Variants in PRKCE observed in about 807,000 individuals in gnomAD.
The protein encoded by PRKCE is protein kinase C epsilon, also known as protein kinase C epsilon type.
PRKCE carries 16 observed loss-of-function variants against 85.4 expected under a neutral mutation model. The ratio of observed to expected loss-of-function variants is 0.19; its 90% CI spans 0.13 to 0.28. The LOEUF is 0.28. Ranked by LOEUF, PRKCE falls within the 10% of genes least tolerant of loss-of-function variation. The pLI is 1.00. For synonymous variants in PRKCE, 388 were observed against 371.5 expected (o/e 1.04, Z -0.51); for missense variants, 573 against 975.2 (o/e 0.59, Z 5.49).
At chr2:45,976,609 C>G in intron 3 of PRKCE, 21 bp downstream of exon 3, 1 of 1,596,676 alleles carries the variant, frequency 6.3e-7, no homozygotes, top group Non-Finnish European at 8.5e-7. Context: ...CTCTTGGGAA[C>G]CTCTAATTAC....
At chr2:45,946,483 C>G (rs556609011) in intron 2 of PRKCE, among the ~76,000 whole-genome samples, 172 of 152,266 alleles carry the variant, frequency 1.1e-3, no homozygotes, top group Non-Finnish European at 1.9e-3. Context: ...ATGCAAAGGC[C>G]TAGAAAACAG....
In PRKCE at chr2:45,781,116, T is replaced by G. The variant is rs899311646; in HGVS notation, c.349-61884T>G. 3.3e-5 allele frequency among the ~76,000 whole-genome samples: 5 copies of G among 152,164 alleles called. No individual in the cohort carries two copies. The East Asian group carries it at 9.7e-4, about 29-fold the overall frequency. ...GGGAGGCTGAGGCGGGAGGATCACT[T>G]GAGCCCAGGAGTTCAAGACCAGCCT... On this transcript the variant is annotated intron_variant, in intron 1 of 14. Transcript: ENST00000306156.
At chr2:45,793,574 G>A (rs913689644) in intron 1 of PRKCE, among the ~76,000 whole-genome samples, 2 of 152,160 alleles carry the variant, frequency 1.3e-5, no homozygotes, top group Non-Finnish European at 2.9e-5. Context: ...CCAGACGGTG[G>A]CCTCAGCTTA....
intron 2 of PRKCE, chr2:45,845,796 G>A (rs897774695): frequency 6.6e-6 from 1 of 152,200 alleles, no homozygotes; most frequent in Non-Finnish European, 1.5e-5. Flanking sequence ...TCTGGCCAGT[G>A]TGTGTTTTGG....
Position 45,801,139 on chromosome 2 carries a change from G to A in PRKCE, c.349-41861G>A, listed in dbSNP as rs115252866. 8.6e-3 allele frequency among the ~76,000 whole-genome samples: 1,304 copies of A among 152,268 alleles called. 27 individuals are homozygous for A. The highest frequency in any genetic ancestry group is 0.03 in the African/African-American group (1,252 of 41,554). ...TTGAGTGGGCCAAGTTTTCAGCAGG[G>A]TGGTGAGAGATGTGTTGAGAAGAGT... On this transcript the variant is annotated intron_variant, in intron 1 of 14. Transcript: ENST00000306156.
intron 1 of PRKCE, among the ~76,000 whole-genome samples, chr2:45,719,483 G>A (rs1680429698): frequency 6.6e-6 from 1 of 152,132 alleles, no homozygotes; most frequent in Non-Finnish European, 1.5e-5. Flanking sequence ...GACTGTTTGG[G>A]GCTCCTTCCC....
At chr2:46,061,859 CTTTT>C (rs10695600) in intron 10 of PRKCE, among the ~76,000 whole-genome samples, 12 of 107,738 alleles carry the variant, frequency 1.1e-4, no homozygotes, top group African/African-American at 1.6e-4. Flanking sequence ...TTTTCTTTTT[CTTTT>C]TTTTTTTTTT....
chr2:45,695,096 C>T (rs1678035269), intron 1 of PRKCE, among the ~76,000 whole-genome samples: 1 of 152,172 alleles, frequency 6.6e-6, no homozygotes, highest in African/African-American at 2.4e-5. Context: ...AGTCAGGAAA[C>T]TTTCTCCCAG....
At chr2:45,879,680 C>G (rs746202915) in intron 2 of PRKCE, among the ~76,000 whole-genome samples, 4 of 152,234 alleles carry the variant, frequency 2.6e-5, no homozygotes, top group African/African-American at 9.6e-5. Context: ...CCTGCTCCCC[C>G]TCCCACGAGG....
At chr2:45,773,005 TC>T in intron 1 of PRKCE, among the ~76,000 whole-genome samples, 1 of 152,264 alleles carries the variant, frequency 6.6e-6, no homozygotes, top group South Asian at 2.1e-4. Flanking sequence ...AAGTGCACCG[TC>T]CTGCCCTGGA....
chr2:46,013,606 AG>A (rs1457214057), intron 10 of PRKCE, among the ~76,000 whole-genome samples: 2 of 152,204 alleles, frequency 1.3e-5, no homozygotes, highest in African/African-American at 4.8e-5. Context: ...AGTTCCTCTG[AG>A]CCACCTTAAA....
chr2:45,661,538 T>TG (rs1302789046), intron 1 of PRKCE, among the ~76,000 whole-genome samples: 1 of 141,248 alleles, frequency 7.1e-6, no homozygotes, highest in Non-Finnish European at 1.5e-5. Context: ...TTGTTTTTTT[T>TG]TTTTTTTTTA....
At chr2:45,655,867 A>G (rs1675355406) in intron 1 of PRKCE, among the ~76,000 whole-genome samples, 1 of 151,086 alleles carries the variant, frequency 6.6e-6, no homozygotes. Flanking sequence ...AAAAAAAAAA[A>G]AAAAGGTAGG....
At position 45,757,333 on chromosome 2, in the gene PRKCE, G is replaced by T. The variant is rs75184978; in HGVS notation, c.349-85667G>T. Reference sequence around the variant, plus strand: ...AAAAAAAAAAAAAAAAAAAAAAAAAGAGTGTTCAATTGATTGTGGGTAAAC... The same window carrying T: ...AAAAAAAAAAAAAAAAAAAAAAAAATAGTGTTCAATTGATTGTGGGTAAAC... On this transcript the variant is annotated intron_variant, in intron 1 of 14. Coordinates refer to ENST00000306156, the MANE Select transcript of PRKCE (RefSeq NM_005400.3). Among the ~76,000 whole-genome samples the T allele has an allele frequency of 9.2e-3, 1,077 of 116,444 alleles. 27 individuals are homozygous for T. The highest frequency in any genetic ancestry group is 0.032 in the African/African-American group (1,012 of 31,734). 76.4% of individuals were successfully genotyped at this position (116,444 alleles called of 152,430 possible).
intron 1 of PRKCE, among the ~76,000 whole-genome samples, chr2:45,664,893 T>C (rs78793862): frequency 0.013 from 1,973 of 152,350 alleles, 41 homozygotes; most frequent in African/African-American, 0.044. Context: ...GACTTCATTT[T>C]CCTACCATGT....
chr2:45,884,948 G>A (rs1334375677), intron 2 of PRKCE, among the ~76,000 whole-genome samples: 2 of 110,170 alleles, frequency 1.8e-5, no homozygotes, highest in Admixed American at 2.1e-4. Flanking sequence ...TCTGTTATAT[G>A]TGATCCATAT....
chr2:45,993,548 A>T (rs1574150865), intron 6 of PRKCE, among the ~76,000 whole-genome samples: 1 of 152,190 alleles, frequency 6.6e-6, no homozygotes, highest in Non-Finnish European at 1.5e-5. Flanking sequence ...CTGCCAGCCC[A>T]AGTTGTTTTG....
intron 11 of PRKCE, among the ~76,000 whole-genome samples, chr2:46,103,288 G>A (rs530760982): frequency 6.6e-6 from 1 of 152,012 alleles, no homozygotes; most frequent in Non-Finnish European, 1.5e-5. Flanking sequence ...CTTACTTTCT[G>A]GTATTACAAA....
chr2:46,060,249 G>C (rs933416256), intron 10 of PRKCE, among the ~76,000 whole-genome samples: 1 of 152,176 alleles, frequency 6.6e-6, no homozygotes, highest in African/African-American at 2.4e-5. Context: ...GCCCCCCAAA[G>C]CTGAAGTTAA....
Sources: gnomAD v4.1 joint callset for allele counts (sites outside exome capture counted in the v4.1 genomes callset) on GRCh38, gnomAD v4.1.1 for gene constraint, MANE v1.5 for transcripts, NCBI Gene and HGNC (gene_info 2026-07-23, HGNC 2026-07-21) for gene names.